Variants in DTNA observed in about 807,000 individuals in gnomAD.
The protein encoded by DTNA is dystrophin-related protein 3.
Under a neutral mutation model 100.7 loss-of-function variants are expected in DTNA, and 43 were observed. That is an observed-to-expected ratio of 0.43 (90% CI 0.33 to 0.55). The LOEUF (loss-of-function observed/expected upper bound fraction) is 0.55. Among genes scored for constraint, DTNA ranks in the 20% least tolerant of loss-of-function variants. DTNA has a pLI of 0.04. For synonymous variants in DTNA, 349 were observed against 347.9 expected (o/e 1.00, Z -0.04); for missense variants, 798 against 953.9 (o/e 0.84, Z 2.15).
chr18:34,525,826 T>C (rs1223615058), intron 1 of DTNA, among the ~76,000 whole-genome samples: 1 of 152,202 alleles, frequency 6.6e-6, no homozygotes, highest in African/African-American at 2.4e-5. Flanking sequence ...AGATGTCTTC[T>C]AGGAATTTTA....
chr18:34,668,720 A>G (rs1568170621), intron 1 of DTNA, among the ~76,000 whole-genome samples: 1 of 151,960 alleles, frequency 6.6e-6, no homozygotes. Context: ...TTCAGTTTCC[A>G]TGTAGTTGAG....
intron 4 of DTNA, among the ~76,000 whole-genome samples, chr18:34,804,806 T>C (rs118191517): frequency 0.017 from 2,621 of 152,192 alleles, 33 homozygotes; most frequent in Middle Eastern, 0.027. Flanking sequence ...TAGAAATAAA[T>C]ATGAAAGAGT....
At chr18:34,613,677 C>T (rs1197419709) in intron 1 of DTNA, among the ~76,000 whole-genome samples, 1 of 152,210 alleles carries the variant, frequency 6.6e-6, no homozygotes. Flanking sequence ...AAGGCCCTAA[C>T]TCTTCAATTC....
chr18:34,627,013 C>T (rs868101448), intron 1 of DTNA, among the ~76,000 whole-genome samples: 3 of 152,110 alleles, frequency 2.0e-5, no homozygotes, highest in African/African-American at 7.2e-5. Context: ...CACTGACTCA[C>T]AATGCATGTT....
rs923870451 is a variant in DTNA at position 34,889,337 on chromosome 18, A to C, written c.*1603A>C. ...AGCCCCACCTCAGGCCTACTGAATC[A>C]GAAGCTCTGGGGGTTGGGTCCAGAA... On this transcript the variant is annotated 3_prime_UTR_variant, in exon 23 of 23. Coordinates refer to ENST00000444659, the MANE Select transcript of DTNA (RefSeq NM_001386795.1). 1.0e-5 allele frequency: 10 copies of C among 982,216 alleles called. No individual in the cohort carries two copies. 60.8% of individuals were successfully genotyped at this position (982,216 alleles called of 1,614,324 possible). A position where few individuals can be genotyped will look rare whatever the true frequency, so the allele number is the denominator to read the frequency against.
chr18:34,714,338 C>A (rs1360939398), intron 1 of DTNA, among the ~76,000 whole-genome samples: 1 of 146,932 alleles, frequency 6.8e-6, no homozygotes, highest in Non-Finnish European at 1.5e-5. Flanking sequence ...ACTCATCTGA[C>A]AAAGGGCTAA....
At chr18:34,732,791 A>G (rs2088614623) in intron 1 of DTNA, among the ~76,000 whole-genome samples, 1 of 152,140 alleles carries the variant, frequency 6.6e-6, no homozygotes, top group South Asian at 2.1e-4. Context: ...AATGGTGAGT[A>G]TTTTTTAGTG....
intron 1 of DTNA, among the ~76,000 whole-genome samples, chr18:34,575,049 A>C (rs2047980951): frequency 6.6e-6 from 1 of 152,244 alleles, no homozygotes; most frequent in African/African-American, 2.4e-5. Flanking sequence ...TCTTTTCTAT[A>C]GGTGTCCGGC....
At chr18:34,499,195 T>C (rs1220607553) in intron 1 of DTNA, among the ~76,000 whole-genome samples, 1 of 152,234 alleles carries the variant, frequency 6.6e-6, no homozygotes, top group African/African-American at 2.4e-5. Context: ...ATTTCTATAA[T>C]TTTGTCATTG....
intron 4 of DTNA, among the ~76,000 whole-genome samples, chr18:34,803,786 A>G (rs1309460107): frequency 1.3e-5 from 2 of 152,232 alleles, no homozygotes; most frequent in Non-Finnish European, 2.9e-5. Flanking sequence ...TTACAAAATC[A>G]TTGCATTTCT....
At chr18:34,843,378 CT>C (rs1463446335) in intron 13 of DTNA, among the ~76,000 whole-genome samples, 1 of 151,918 alleles carries the variant, frequency 6.6e-6, no homozygotes, top group African/African-American at 2.4e-5. Context: ...TAATGCCCCC[CT>C]AGATTCTTCA....
intron 1 of DTNA, chr18:34,514,057 G>A (rs180807290): frequency 6.6e-6 from 1 of 152,132 alleles, no homozygotes; most frequent in African/African-American, 2.4e-5. Flanking sequence ...AGAGGTTCTA[G>A]TGGTCAGAAT....
At chr18:34,729,499 C>G (rs2087565984) in intron 1 of DTNA, among the ~76,000 whole-genome samples, 1 of 152,166 alleles carries the variant, frequency 6.6e-6, no homozygotes, top group Non-Finnish European at 1.5e-5. Context: ...GAACCCCGCT[C>G]TGAGGAAAGC....
At chr18:34,757,600 G>T (rs951193246) in intron 2 of DTNA, among the ~76,000 whole-genome samples, 1 of 152,138 alleles carries the variant, frequency 6.6e-6, no homozygotes, top group Non-Finnish European at 1.5e-5. Context: ...TTCTGAACCT[G>T]ATATAGTGCC....
chr18:34,857,911 G>A (rs554898118), intron 15 of DTNA, among the ~76,000 whole-genome samples: 19 of 152,286 alleles, frequency 1.2e-4, no homozygotes, highest in East Asian at 9.6e-4. Flanking sequence ...ATAACAGGAA[G>A]ATGCATTTTT....
At chr18:34,640,558 A>G (rs1384780789) in intron 1 of DTNA, among the ~76,000 whole-genome samples, 1 of 152,198 alleles carries the variant, frequency 6.6e-6, no homozygotes, top group African/African-American at 2.4e-5. Flanking sequence ...CATTCATCCT[A>G]TAGACATTTA....
At chr18:34,590,414 C>T (rs1177518000) in intron 1 of DTNA, among the ~76,000 whole-genome samples, 1 of 152,112 alleles carries the variant, frequency 6.6e-6, no homozygotes, top group Non-Finnish European at 1.5e-5. Flanking sequence ...AGCTATAAAA[C>T]TATCACCATG....
chr18:34,735,393 ACACT>A (rs1303997637), intron 1 of DTNA, among the ~76,000 whole-genome samples: 1 of 152,220 alleles, frequency 6.6e-6, no homozygotes, highest in Non-Finnish European at 1.5e-5. Context: ...AATCAAGTTG[ACACT>A]CAGTATTAAC....
intron 1 of DTNA, among the ~76,000 whole-genome samples, chr18:34,647,651 C>G (rs16965728): frequency 0.067 from 10,235 of 152,224 alleles, 1,054 homozygotes; most frequent in African/African-American, 0.23. Flanking sequence ...TCTAGGGCTA[C>G]CTCTGTCACT....
Sources: gnomAD v4.1 joint callset for allele counts (sites outside exome capture counted in the v4.1 genomes callset) on GRCh38, gnomAD v4.1.1 for gene constraint, MANE v1.5 for transcripts, NCBI Gene and HGNC (gene_info 2026-07-23, HGNC 2026-07-21) for gene names.